RAB10: variants seen among roughly 807,000 people sequenced by gnomAD.
RAB10 encodes the protein ras-related protein Rab-10.
RAB10 carries 5 observed loss-of-function variants against 25.7 expected under a neutral mutation model. The ratio of observed to expected loss-of-function variants is 0.19; its 90% CI spans 0.10 to 0.41. The LOEUF is 0.41. Ranked by LOEUF, RAB10 falls within the 10% of genes least tolerant of loss-of-function variation. RAB10 has a pLI of 1.00. For missense variants in RAB10, 103 were observed against 245.8 expected, an observed-to-expected ratio of 0.42 and a Z score of 3.89; for synonymous variants, 89 against 86.4, an observed-to-expected ratio of 1.03 and a Z score of -0.16.
In RAB10 at chr2:26,125,168, GAGGAATC is replaced by G. The variant is rs557072253; in HGVS notation, c.328-1974_328-1968del. On this transcript the variant is annotated intron_variant, in intron 3 of 5. Transcript: ENST00000264710. Reference sequence around the variant, plus strand: ...ATGATAATTCTGTGTGTAACCTTTTGAGGAATCACCAGACTTTTCCACAGTGATTGCA... The same window carrying G: ...ATGATAATTCTGTGTGTAACCTTTTGACCAGACTTTTCCACAGTGATTGCA... 4.3e-4 allele frequency among the ~76,000 whole-genome samples: 65 copies of G among 152,220 alleles called. 2 individuals are homozygous for G. The South Asian group carries it at 0.013, about 30-fold the overall frequency.
At position 26,124,389 on chromosome 2, in the gene RAB10, C is replaced by CTT. The variant is rs10669615; in HGVS notation, c.328-2728_328-2727dup. Among the ~76,000 whole-genome samples, 46 of 19,664 alleles carry CTT rather than the reference C, an allele frequency of 2.3e-3. 11 individuals carry two copies. Among genetic ancestry groups the CTT allele is most frequent in the African/African-American group, 8.6e-3 (43 of 5,008 alleles). 12.9% of individuals were successfully genotyped at this position (19,664 alleles called of 152,430 possible). ...GTTGTTTTTCTTATTGTTGTTGTTGCTTTTTTTTTTTTTTTTTTTTTTTTT... is the reference window on the plus strand; with the variant it reads ...GTTGTTTTTCTTATTGTTGTTGTTGCTTTTTTTTTTTTTTTTTTTTTTTTTTT... On this transcript the variant is annotated intron_variant, in intron 3 of 5. Transcript: ENST00000264710.
chr2:26,123,424 A>G (rs1224985233), intron 3 of RAB10, among the ~76,000 whole-genome samples: 1 of 152,240 alleles, frequency 6.6e-6, no homozygotes, highest in Non-Finnish European at 1.5e-5. Context: ...TGAAGATGCC[A>G]TCGTTATAGA....
intron 2 of RAB10, among the ~76,000 whole-genome samples, chr2:26,106,349 A>G (rs902213741): frequency 1.3e-5 from 2 of 152,222 alleles, no homozygotes; most frequent in African/African-American, 2.4e-5. Flanking sequence ...TTATTTAACC[A>G]TAGTAATCTA....
intron 1 of RAB10, among the ~76,000 whole-genome samples, chr2:26,089,486 C>T (rs1186224527): frequency 2.6e-5 from 4 of 151,314 alleles, no homozygotes; most frequent in Admixed American, 6.6e-5. Flanking sequence ...GGAGAGAATG[C>T]ATTTGTAAAC....
chr2:26,113,961 T>C (rs1233702645), intron 3 of RAB10, among the ~76,000 whole-genome samples: 1 of 152,054 alleles, frequency 6.6e-6, no homozygotes, highest in African/African-American at 2.4e-5. Flanking sequence ...AACCTAAAAA[T>C]TACATTGAGA....
In RAB10 at chr2:26,062,782, G is replaced by A. The variant is rs571790370; in HGVS notation, c.127+28047G>A. Among the ~76,000 whole-genome samples the A allele has an allele frequency of 4.4e-4, 67 of 152,198 alleles. 2 individuals are homozygous for A. The South Asian group carries it at 0.013, about 29-fold the overall frequency. On this transcript the variant is annotated intron_variant, in intron 1 of 5. Coordinates refer to ENST00000264710, the MANE Select transcript of RAB10 (RefSeq NM_016131.5). ...AAGAACTTTAACCTTCTAAAGAATT[G>A]CCACTTCTAGGGTTAGTTTGTTGAG...
intron 1 of RAB10, among the ~76,000 whole-genome samples, chr2:26,088,590 C>G (rs1330557534): frequency 1.3e-5 from 2 of 152,036 alleles, no homozygotes; most frequent in African/African-American, 2.4e-5. Flanking sequence ...CTTTTCCACC[C>G]TGTTCATCTT....
chr2:26,077,854 C>G (rs1377225883), intron 1 of RAB10, among the ~76,000 whole-genome samples: 1 of 152,120 alleles, frequency 6.6e-6, no homozygotes, highest in Non-Finnish European at 1.5e-5. Context: ...TGGCACTCAC[C>G]TGTAATCCCA....
At chr2:26,129,268 C>CA (rs58007291) in intron 5 of RAB10, among the ~76,000 whole-genome samples, 1,597 of 133,296 alleles carry the variant, frequency 0.012, 74 homozygotes, top group African/African-American at 0.017. Flanking sequence ...GACTCCATCT[C>CA]AAAAAAAAAA....
intron 1 of RAB10, among the ~76,000 whole-genome samples, chr2:26,077,470 G>A (rs983051002): frequency 8.5e-5 from 13 of 152,150 alleles, no homozygotes; most frequent in African/African-American, 2.4e-4. Context: ...AAAATAATGC[G>A]TAACAAACAA....
At chr2:26,036,859 G>A (rs954688153) in intron 1 of RAB10, among the ~76,000 whole-genome samples, 1 of 151,142 alleles carries the variant, frequency 6.6e-6, no homozygotes. Context: ...GCGTGATCTC[G>A]GCCCACTGCA....
intron 1 of RAB10, among the ~76,000 whole-genome samples, chr2:26,063,878 A>T (rs1040455424): frequency 3.9e-5 from 6 of 152,072 alleles, no homozygotes; most frequent in African/African-American, 1.4e-4. Context: ...GCTCGCTGCA[A>T]CCTCTGCCTC....
intron 1 of RAB10, among the ~76,000 whole-genome samples, chr2:26,091,461 A>T (rs1328119112): frequency 6.6e-6 from 1 of 152,170 alleles, no homozygotes. Flanking sequence ...GCATAGAGCA[A>T]CAAAAAGGAA....
chr2:26,105,032 C>T (rs926326244), intron 2 of RAB10, among the ~76,000 whole-genome samples: 8 of 152,156 alleles, frequency 5.3e-5, no homozygotes, highest in Non-Finnish European at 1.0e-4. Flanking sequence ...CCACCGCGCC[C>T]TGCCATTTTG....
chr2:26,098,572 T>G (rs766107128), intron 1 of RAB10, 90 bp from the exon 2 acceptor site: 28 of 921,564 alleles, frequency 3.0e-5, no homozygotes, highest in Admixed American at 1.8e-4. Flanking sequence ...CAGACAAGTT[T>G]AAAAGGTGTG....
intron 1 of RAB10, among the ~76,000 whole-genome samples, chr2:26,079,563 G>GAAAAA (rs1666821504): frequency 1.3e-5 from 2 of 151,808 alleles, no homozygotes; most frequent in Non-Finnish European, 2.9e-5. Flanking sequence ...AGTCATAGAA[G>GAAAAA]AAATGATGCT....
chr2:26,115,898 C>T (rs1380574775), intron 3 of RAB10, among the ~76,000 whole-genome samples: 10 of 141,888 alleles, frequency 7.0e-5, no homozygotes, highest in Non-Finnish European at 1.2e-4. Flanking sequence ...TTTGCTCTGT[C>T]GCCCAGGCTG....
chr2:26,056,267 C>T (rs974421227), intron 1 of RAB10, among the ~76,000 whole-genome samples: 20 of 151,816 alleles, frequency 1.3e-4, no homozygotes, highest in African/African-American at 4.6e-4. Flanking sequence ...GGCGTGATCT[C>T]GGCTCACTGC....
At chr2:26,128,679 C>T (rs938503170) in intron 5 of RAB10, among the ~76,000 whole-genome samples, 1 of 152,136 alleles carries the variant, frequency 6.6e-6, no homozygotes, top group Non-Finnish European at 1.5e-5. Flanking sequence ...AGTCACTTCT[C>T]AGGCAAATAA....
Sources: allele counts gnomAD v4.1 joint callset (sites outside exome capture counted in the v4.1 genomes callset), GRCh38; gene constraint gnomAD v4.1.1; transcripts MANE v1.5; gene names NCBI Gene and HGNC (gene_info 2026-07-23, HGNC 2026-07-21).